Variants in CRY1 observed in about 807,000 individuals in gnomAD.
CRY1 encodes cryptochrome circadian regulator 1, also known as cryptochrome-1.
In CRY1, 45 loss-of-function variants were observed where a neutral mutation model predicts 76.0. The ratio of observed to expected loss-of-function variants is 0.59; its 90% confidence interval spans 0.47 to 0.76. The LOEUF (loss-of-function observed/expected upper bound fraction) is 0.76. Among genes scored for constraint, CRY1 ranks in the 30% least tolerant of loss-of-function variants. The pLI is 0.00. For missense variants in CRY1, 587 were observed against 716.4 expected, an observed-to-expected ratio of 0.82 and a Z score of 2.06; for synonymous variants, 248 against 244.0, an observed-to-expected ratio of 1.02 and a Z score of -0.15.
chr12:107,075,170 A>T (rs1953237640), intron 1 of CRY1, among the ~76,000 whole-genome samples: 1 of 152,210 alleles, frequency 6.6e-6, no homozygotes, highest in Non-Finnish European at 1.5e-5. Flanking sequence ...GACAAAAATA[A>T]AATAGGCTAC....
chr12:107,092,826 T>C lies in CRY1; in HGVS notation c.136A>G (p.Asn46Asp). ...ILDPWFAGSS[N>D]VGINRWRFLL... ...CACCGCCACCTGTTGATGCCCACAT[T>C]GGAGGAGCCGGCGAACCAGGGGTCC... is the stretch of plus-strand genomic sequence containing the variant. The change falls in exon 1 of 13, where the codon AAT (asparagine) becomes GAT (aspartate). Residue 46 changes from asparagine (N) to aspartate (D), a missense_variant. Physicochemically the swap from Asn to Asp is conservative, Grantham distance 23. Coordinates refer to ENST00000008527, the MANE Select transcript of CRY1 (RefSeq NM_004075.5). The C allele has an allele frequency of 6.2e-7, 1 of 1,611,640 alleles. No individual in the cohort carries two copies. The highest frequency in any genetic ancestry group is 8.5e-7 in the Non-Finnish European group (1 of 1,179,822).
chr12:107,079,577 CT>C, intron 1 of CRY1, among the ~76,000 whole-genome samples: 1 of 152,152 alleles, frequency 6.6e-6, no homozygotes, highest in Non-Finnish European at 1.5e-5. Context: ...CATCTCCTAT[CT>C]TTTCATGCAC....
chr12:107,064,969 T>A (rs1020964689), intron 1 of CRY1, among the ~76,000 whole-genome samples: 1 of 152,110 alleles, frequency 6.6e-6, no homozygotes, highest in African/African-American at 2.4e-5. Flanking sequence ...TAAATGGAGA[T>A]AAAAGGACTG....
intron 1 of CRY1, among the ~76,000 whole-genome samples, chr12:107,083,169 A>G (rs1953348710): frequency 1.3e-5 from 2 of 152,306 alleles, no homozygotes; most frequent in Middle Eastern, 3.4e-3. Flanking sequence ...GAATACACCA[A>G]TAACAAGTTC....
intron 1 of CRY1, among the ~76,000 whole-genome samples, chr12:107,056,714 G>A (rs1952987179): frequency 6.6e-6 from 1 of 152,096 alleles, no homozygotes. Context: ...AAAGGCCTCA[G>A]GAAGTTCCCA....
At chr12:107,010,870 A>G (rs544942720) in intron 2 of CRY1, among the ~76,000 whole-genome samples, 2 of 152,028 alleles carry the variant, frequency 1.3e-5, no homozygotes, top group South Asian at 4.2e-4. Context: ...CCTTTCCCCC[A>G]TCTCTTTCAC....
At position 107,052,828 on chromosome 12, in the gene CRY1, G is replaced by C. The variant is rs117430158; in HGVS notation, c.159-30636C>G. Among the ~76,000 whole-genome samples the C allele has an allele frequency of 8.9e-3, 1,350 of 152,328 alleles. 11 individuals are homozygous for C. Among genetic ancestry groups the C allele is most frequent in the South Asian group, 0.028 (134 of 4,828 alleles). On this transcript the variant is annotated intron_variant, in intron 1 of 12. Coordinates refer to ENST00000008527, the MANE Select transcript of CRY1 (RefSeq NM_004075.5). ...GTGAAAGAGTGGCAAGAGATTATTA[G>C]GTTAGAAAGTTATCAAGTTCCAGTT...
intron 1 of CRY1, among the ~76,000 whole-genome samples, chr12:107,068,723 C>T (rs1953142353): frequency 6.6e-6 from 1 of 152,140 alleles, no homozygotes; most frequent in African/African-American, 2.4e-5. Flanking sequence ...TACTGATTAC[C>T]TTGTACCCAT....
At chr12:107,072,748 AACT>A (rs1336616960) in intron 1 of CRY1, among the ~76,000 whole-genome samples, 2 of 152,336 alleles carry the variant, frequency 1.3e-5, no homozygotes, top group Middle Eastern at 3.4e-3. Flanking sequence ...CATATTTTAA[AACT>A]ACTACCAGTG....
At chr12:107,010,877 T>G (rs1369246289) in intron 2 of CRY1, among the ~76,000 whole-genome samples, 1 of 152,152 alleles carries the variant, frequency 6.6e-6, no homozygotes, top group African/African-American at 2.4e-5. Context: ...CCCATCTCTT[T>G]CACCCTCTCT....
intron 3 of CRY1, among the ~76,000 whole-genome samples, chr12:107,002,963 C>T (rs1210468675): frequency 2.0e-5 from 3 of 152,158 alleles, no homozygotes; most frequent in East Asian, 1.9e-4. Flanking sequence ...AATTGTAAGT[C>T]CATTAAATCT....
intron 3 of CRY1, among the ~76,000 whole-genome samples, chr12:107,002,928 T>C (rs1005610843): frequency 1.1e-4 from 17 of 152,234 alleles, no homozygotes; most frequent in Admixed American, 9.8e-4. Flanking sequence ...TCCACCATGA[T>C]TGTGAGGCCT....
At chr12:107,028,712 A>G (rs1042876773) in intron 1 of CRY1, among the ~76,000 whole-genome samples, 1 of 152,222 alleles carries the variant, frequency 6.6e-6, no homozygotes, top group African/African-American at 2.4e-5. Flanking sequence ...GTCCACACCT[A>G]CATACAGAAT....
chr12:107,036,464 G>A (rs1045179960), intron 1 of CRY1, among the ~76,000 whole-genome samples: 2 of 151,992 alleles, frequency 1.3e-5, no homozygotes, highest in African/African-American at 4.8e-5. Context: ...TGATCTCACT[G>A]CTTCCATACT....
At chr12:107,007,682 A>T (rs1952390590) in intron 2 of CRY1, among the ~76,000 whole-genome samples, 1 of 151,990 alleles carries the variant, frequency 6.6e-6, no homozygotes, top group Non-Finnish European at 1.5e-5. Flanking sequence ...GGCATGCACC[A>T]CCATAACCAG....
chr12:107,078,124 A>G (rs560234831), intron 1 of CRY1, among the ~76,000 whole-genome samples: 1 of 152,242 alleles, frequency 6.6e-6, no homozygotes, highest in Admixed American at 6.5e-5. Context: ...CACAAACATA[A>G]TTTGCATTGG....
chr12:107,042,060 A>G (rs1952804968), intron 1 of CRY1, among the ~76,000 whole-genome samples: 1 of 152,248 alleles, frequency 6.6e-6, no homozygotes, highest in Admixed American at 6.5e-5. Context: ...TGAAATAAAC[A>G]GTAATAGCAG....
intron 1 of CRY1, among the ~76,000 whole-genome samples, chr12:107,064,587 A>C (rs1953088885): frequency 6.6e-6 from 1 of 152,200 alleles, no homozygotes; most frequent in African/African-American, 2.4e-5. Context: ...GAAGCACATA[A>C]AAAGACCACA....
At position 106,991,407 on chromosome 12, in the gene CRY1, T is replaced by C. The variant is rs1251863178; in HGVS notation, c.*595A>G. 6.6e-6 allele frequency: 1 copy of C among 152,548 alleles called. No individual in the cohort carries two copies. Among genetic ancestry groups the C allele is most frequent in the Admixed American group, 6.5e-5 (1 of 15,280 alleles). 9.4% of individuals were successfully genotyped at this position (152,548 alleles called of 1,614,324 possible). On this transcript the variant is annotated 3_prime_UTR_variant, in exon 13 of 13. Coordinates refer to ENST00000008527, the MANE Select transcript of CRY1 (RefSeq NM_004075.5). Reference sequence around the variant, plus strand: ...TTTAATAACAAGTTCATTTTAGTAATAAATGAACAAAGAAACAGAGACAGA... The same window carrying C: ...TTTAATAACAAGTTCATTTTAGTAACAAATGAACAAAGAAACAGAGACAGA...
Sources: allele counts gnomAD v4.1 joint callset (sites outside exome capture counted in the v4.1 genomes callset), GRCh38; gene constraint gnomAD v4.1.1; transcripts MANE v1.5; gene names NCBI Gene and HGNC (gene_info 2026-07-23, HGNC 2026-07-21).